PPM1L: variants seen among roughly 807,000 people sequenced by gnomAD.
PPM1L encodes protein phosphatase, Mg2+/Mn2+ dependent 1L.
PPM1L carries 13 observed loss-of-function variants against 31.4 expected under a neutral mutation model. The ratio of observed to expected loss-of-function variants is 0.41; its 90% CI spans 0.27 to 0.66. The LOEUF is 0.66. Ranked by LOEUF, PPM1L falls within the 30% of genes least tolerant of loss-of-function variation. The pLI, the probability that PPM1L is intolerant of heterozygous loss-of-function variation, is 0.29. For missense variants in PPM1L, 326 were observed against 453.7 expected, an observed-to-expected ratio of 0.72 and a Z score of 2.56; for synonymous variants, 184 against 175.4, an observed-to-expected ratio of 1.05 and a Z score of -0.39.
At chr3:160,907,293 G>C (rs1051685954) in intron 1 of PPM1L, among the ~76,000 whole-genome samples, 2 of 152,106 alleles carry the variant, frequency 1.3e-5, no homozygotes, top group Non-Finnish European at 2.9e-5. Context: ...AAATAGTTTA[G>C]GATGAAGATT....
chr3:160,837,655 GA>G, intron 1 of PPM1L, among the ~76,000 whole-genome samples: 1 of 152,322 alleles, frequency 6.6e-6, no homozygotes, highest in East Asian at 1.9e-4. Context: ...CTTGTTGCAA[GA>G]AGGTAAAACA....
chr3:160,794,873 C>G (rs1199393899), intron 1 of PPM1L, among the ~76,000 whole-genome samples: 1 of 152,098 alleles, frequency 6.6e-6, no homozygotes, highest in African/African-American at 2.4e-5. Context: ...CTGCATGTGG[C>G]CCACGGGTAG....
chr3:161,001,919 G>T (rs1029786069), intron 2 of PPM1L, among the ~76,000 whole-genome samples: 2 of 152,000 alleles, frequency 1.3e-5, no homozygotes, highest in African/African-American at 2.4e-5. Context: ...CATGTGACAT[G>T]CTGGTGCGCT....
intron 1 of PPM1L, among the ~76,000 whole-genome samples, chr3:160,935,723 C>T (rs1054473583): frequency 6.6e-6 from 1 of 152,222 alleles, no homozygotes; most frequent in Non-Finnish European, 1.5e-5. Flanking sequence ...AGGTCATTAA[C>T]TCGTTGATAT....
rs1716459486 is a variant in PPM1L, at chr3:160,973,995, A to G, written c.574+12085A>G. 7.7e-5 allele frequency among the ~76,000 whole-genome samples: 11 copies of G among 143,272 alleles called. No individual in the cohort carries two copies. In the South Asian group the frequency reaches 2.4e-3, roughly 31 times the overall value. The allele number at this position is 143,272 out of a possible 152,430, so 94.0% of individuals were successfully genotyped here. On this transcript the variant is annotated intron_variant, in intron 2 of 3. Transcript: ENST00000498165. The stretch of plus-strand genomic sequence containing the variant: ...ACTAACTCGTCATCTAGCATTAGGT[A>G]TATCTCCCAGTGCTATCCCTCCCCC...
rs149077485 is a variant in PPM1L, at chr3:160,961,657, A to G, written c.400-79A>G. The G allele has an allele frequency of 2.0e-3, 2,585 of 1,297,902 alleles. 41 individuals are homozygous for G. In the African/African-American group the frequency reaches 0.035, roughly 18 times the overall value. The allele number at this position is 1,297,902 out of a possible 1,614,324, so 80.4% of individuals were successfully genotyped here. A position where few individuals can be genotyped will look rare whatever the true frequency, so the allele number is the denominator to read the frequency against. ...TTTCACAGTGCTTTGAGCTTTCTCT[A>G]TAGCACCTGAGGGTAAGTAAAAAGT... is the stretch of plus-strand genomic sequence containing the variant. On this transcript the variant is annotated intron_variant, in intron 1 of 3. Coordinates refer to ENST00000498165, the MANE Select transcript of PPM1L (RefSeq NM_139245.4).
chr3:160,807,071 T>C (rs1222410747), intron 1 of PPM1L, among the ~76,000 whole-genome samples: 1 of 152,220 alleles, frequency 6.6e-6, no homozygotes, highest in African/African-American at 2.4e-5. Context: ...AAAACTCCTC[T>C]GGTGATTCCA....
intron 1 of PPM1L, among the ~76,000 whole-genome samples, chr3:160,901,502 A>T (rs534124822): frequency 6.6e-6 from 1 of 152,154 alleles, no homozygotes; most frequent in South Asian, 2.1e-4. Context: ...ACCCAGTCAT[A>T]TTGGTCTACT....
At chr3:161,013,747 C>T (rs1010251646) in intron 2 of PPM1L, among the ~76,000 whole-genome samples, 3 of 152,214 alleles carry the variant, frequency 2.0e-5, no homozygotes, top group African/African-American at 7.2e-5. Flanking sequence ...GTTCGGTCTT[C>T]TTGTTGAATT....
In PPM1L at chr3:160,922,192, C is replaced by T. The variant is rs527665155; in HGVS notation, c.400-39544C>T. Among the ~76,000 whole-genome samples, 213 of 152,214 alleles carry T rather than the reference C, an allele frequency of 1.4e-3. 1 individual carries two copies. Among genetic ancestry groups the T allele is most frequent in the African/African-American group, 4.9e-3 (205 of 41,532 alleles). On this transcript the variant is annotated intron_variant, in intron 1 of 3. Transcript: ENST00000498165. Reference sequence around the variant, plus strand: ...GGGCGTGGTGGCAGGCACCTGTAGTCCCAGCTACTTGGGAGGCTGAGGCAG... The same window carrying T: ...GGGCGTGGTGGCAGGCACCTGTAGTTCCAGCTACTTGGGAGGCTGAGGCAG...
At chr3:160,930,692 G>C (rs928183786) in intron 1 of PPM1L, among the ~76,000 whole-genome samples, 1 of 152,172 alleles carries the variant, frequency 6.6e-6, no homozygotes, top group Non-Finnish European at 1.5e-5. Context: ...GAGTTTAAGA[G>C]GGAAGCTTCG....
chr3:160,915,070 G>A (rs1714118870), intron 1 of PPM1L, among the ~76,000 whole-genome samples: 3 of 152,124 alleles, frequency 2.0e-5, no homozygotes, highest in Admixed American at 2.0e-4. Flanking sequence ...CAATCAGGCA[G>A]GAGAAGGAAA....
intron 2 of PPM1L, among the ~76,000 whole-genome samples, chr3:160,971,777 T>C (rs1410496397): frequency 2.6e-5 from 4 of 152,174 alleles, no homozygotes; most frequent in African/African-American, 9.7e-5. Context: ...ATTCTTTTTT[T>C]TATTGAGACA....
intron 1 of PPM1L, among the ~76,000 whole-genome samples, chr3:160,951,435 C>T (rs1040352223): frequency 6.6e-5 from 10 of 151,748 alleles, no homozygotes; most frequent in Admixed American, 3.9e-4. Context: ...AGGTTTTGAT[C>T]GAAATAATAA....
chr3:160,869,730 GT>G (rs1388600575), intron 1 of PPM1L, among the ~76,000 whole-genome samples: 89 of 152,118 alleles, frequency 5.9e-4, no homozygotes, highest in South Asian at 1.5e-3. Flanking sequence ...GTGTGTGTGT[GT>G]GTGTGTGTGT....
At chr3:161,030,871 A>T (rs575090945) in intron 2 of PPM1L, among the ~76,000 whole-genome samples, 1 of 152,332 alleles carries the variant, frequency 6.6e-6, no homozygotes, top group South Asian at 2.1e-4. Flanking sequence ...AGCTTCCAGA[A>T]GTTCTTCCTT....
In PPM1L at chr3:160,951,376, G is replaced by A. The variant is rs562114879; in HGVS notation, c.400-10360G>A. 5.9e-5 allele frequency among the ~76,000 whole-genome samples: 9 copies of A among 152,274 alleles called. No homozygotes were observed. The South Asian group carries it at 1.9e-3, about 32-fold the overall frequency. ...AGTAGGGAAGTAAGGTCAACTTTTT[G>A]TTAGACTGTAAAGCAGATACATTTT... is the stretch of plus-strand genomic sequence containing the variant. On this transcript the variant is annotated intron_variant, in intron 1 of 3. Coordinates refer to ENST00000498165, the MANE Select transcript of PPM1L (RefSeq NM_139245.4).
At chr3:161,004,221 G>C (rs1250289594) in intron 2 of PPM1L, among the ~76,000 whole-genome samples, 1 of 147,896 alleles carries the variant, frequency 6.8e-6, no homozygotes, top group East Asian at 2.0e-4. Context: ...GCTTTTTGAT[G>C]TGCCGCTGGA....
At chr3:160,904,580 C>T (rs1295976518) in intron 1 of PPM1L, among the ~76,000 whole-genome samples, 1 of 152,076 alleles carries the variant, frequency 6.6e-6, no homozygotes. Flanking sequence ...AAGATGAACT[C>T]AAGCAGGTGG....
Sources: gnomAD v4.1 joint callset for allele counts (sites outside exome capture counted in the v4.1 genomes callset) on GRCh38, gnomAD v4.1.1 for gene constraint, MANE v1.5 for transcripts, NCBI Gene and HGNC (gene_info 2026-07-23, HGNC 2026-07-21) for gene names.